UFSP2: variants seen among roughly 807,000 people sequenced by gnomAD.
UFSP2 encodes UFM1 specific peptidase 2, also known as ufm1-specific protease 2.
UFSP2 carries 43 observed loss-of-function variants against 60.2 expected under a neutral mutation model. The observed-to-expected ratio is 0.71, with a 90% CI of 0.56 to 0.92. UFSP2 has a LOEUF of 0.92. Among genes scored for constraint, UFSP2 ranks in the 40% least tolerant of loss-of-function variants. The pLI, the probability that UFSP2 is intolerant of heterozygous loss-of-function variation, is 0.00. For missense variants in UFSP2, 520 were observed against 575.0 expected, an observed-to-expected ratio of 0.90 and a Z score of 0.98; for synonymous variants, 183 against 195.1, an observed-to-expected ratio of 0.94 and a Z score of 0.52.
rs758888408 is a variant in UFSP2 at position 185,403,627 on chromosome 4, G to C, written c.1199-9C>G. Reference sequence around the variant, plus strand: ...GGCCAAAACTCCTCCCCCTATAGAAGAAAAAATAGGAAATACGAATGAAGG... The same window carrying C: ...GGCCAAAACTCCTCCCCCTATAGAACAAAAAATAGGAAATACGAATGAAGG... On this transcript the variant is annotated splice_polypyrimidine_tract_variant and intron_variant, in intron 10 of 11. Transcript: ENST00000264689. 1 of 1,593,068 alleles carries C rather than the reference G, an allele frequency of 6.3e-7. No homozygotes were observed. The highest frequency in any genetic ancestry group is 1.4e-5 in the African/African-American group (1 of 73,242).
rs576648557 is a variant in UFSP2 at position 185,425,644 on chromosome 4, G to A, written c.3+222C>T. ...CACAGAGAAGTAGCAGGGGGTGCGT[G>A]TCCAAGGTGGCCGAGGCGGGGTGCA... On this transcript the variant is annotated intron_variant, in intron 1 of 11. Coordinates refer to ENST00000264689, the MANE Select transcript of UFSP2 (RefSeq NM_018359.5). Among the ~76,000 whole-genome samples the A allele has an allele frequency of 2.0e-5, 3 of 152,370 alleles. No homozygotes were observed. In the South Asian group the frequency reaches 6.2e-4, roughly 32 times the overall value.
chr4:185,411,714 C>G (rs1445623694), intron 7 of UFSP2, among the ~76,000 whole-genome samples: 1 of 152,102 alleles, frequency 6.6e-6, no homozygotes, highest in Admixed American at 6.6e-5. Context: ...ATGTTAACAA[C>G]TGTTGCACAT....
rs749635731 is a variant in UFSP2, at chr4:185,425,917, CG to C, written c.-50del. On this transcript the variant is annotated 5_prime_UTR_variant, in exon 1 of 12. Coordinates refer to ENST00000264689, the MANE Select transcript of UFSP2 (RefSeq NM_018359.5). ...GGCGCTGACGCCTGCCCAAAAGTTC[CG>C]GGGGCCGGCCCTGAAGTGGTGTCAC... 6 of 1,575,444 alleles carry C rather than the reference CG, an allele frequency of 3.8e-6. 1 individual carries two copies. In the South Asian group the frequency reaches 4.6e-5, roughly 12 times the overall value.
chr4:185,399,864 T>C lies in UFSP2; in HGVS notation c.*528A>G. Reference sequence around the variant, plus strand: ...ATTCCATTTAATACTGACACTCGTATTTCTAGTAGTATTGTTTCATTCTCA... The same window carrying C: ...ATTCCATTTAATACTGACACTCGTACTTCTAGTAGTATTGTTTCATTCTCA... On this transcript the variant is annotated 3_prime_UTR_variant, in exon 12 of 12. Coordinates refer to ENST00000264689, the MANE Select transcript of UFSP2 (RefSeq NM_018359.5). 6.4e-7 allele frequency: 1 copy of C among 1,563,288 alleles called. No individual in the cohort carries two copies. Among genetic ancestry groups the C allele is most frequent in the South Asian group, 1.2e-5 (1 of 84,006 alleles).
At chr4:185,425,041 T>C (rs762156785) in intron 1 of UFSP2, among the ~76,000 whole-genome samples, 28 of 152,208 alleles carry the variant, frequency 1.8e-4, no homozygotes, top group African/African-American at 4.8e-5. Context: ...CTTAGGTGAC[T>C]ACCCCAGATG....
Position 185,423,379 on chromosome 4 carries a change from G to A in UFSP2, c.4-816C>T, listed in dbSNP as rs144034316. Reference sequence around the variant, plus strand: ...AAGACAATGAGAGGAAACTCATACTGAGGGTGGGATATCAACTGGTGGAAT... The same window carrying A: ...AAGACAATGAGAGGAAACTCATACTAAGGGTGGGATATCAACTGGTGGAAT... On this transcript the variant is annotated intron_variant, in intron 1 of 11. Coordinates refer to ENST00000264689, the MANE Select transcript of UFSP2 (RefSeq NM_018359.5). Among the ~76,000 whole-genome samples the A allele has an allele frequency of 3.3e-3, 497 of 152,318 alleles. 5 individuals are homozygous for A. Among genetic ancestry groups the A allele is most frequent in the African/African-American group, 0.011 (469 of 41,566 alleles).
chr4:185,418,242 T>G (rs904367407), intron 4 of UFSP2, among the ~76,000 whole-genome samples, 199 bp downstream of exon 4: 3 of 152,176 alleles, frequency 2.0e-5, no homozygotes, highest in African/African-American at 7.2e-5. Context: ...AAAAAACCCT[T>G]TTGAGATTAT....
chr4:185,408,346 C>T lies in UFSP2; in HGVS notation c.921G>A (p.Leu307=). 1.2e-6 allele frequency: 2 copies of T among 1,614,106 alleles called. No homozygotes were observed. Among genetic ancestry groups the T allele is most frequent in the Middle Eastern group, 1.6e-4 (1 of 6,062 alleles). The change falls in exon 8 of 12, where the codon CTG becomes CTA. Residue 307 remains leucine (L), a synonymous_variant. Coordinates refer to ENST00000264689, the MANE Select transcript of UFSP2 (RefSeq NM_018359.5). Reference sequence around the variant, plus strand: ...GTTTGAACCAAGAGCAGATAGTCTGCAGAGATCGATAAGCACAGCCCCAGC... The same window carrying T: ...GTTTGAACCAAGAGCAGATAGTCTGTAGAGATCGATAAGCACAGCCCCAGC... The part of the protein sequence containing the change: ...DNGWGCAYRS[L]QTICSWFKHQ...
chr4:185,415,029 T>C (rs2095535879), intron 6 of UFSP2, 126 bp downstream of exon 6: 4 of 743,900 alleles, frequency 5.4e-6, no homozygotes, highest in East Asian at 3.2e-5. Context: ...GTAAAATGAA[T>C]AGTCTAAATT....
At chr4:185,423,946 C>T (rs997036075) in intron 1 of UFSP2, among the ~76,000 whole-genome samples, 52 of 152,102 alleles carry the variant, frequency 3.4e-4, no homozygotes, top group African/African-American at 8.9e-4. Flanking sequence ...AACCATAGTA[C>T]ACACTAAGAC....
intron 10 of UFSP2, among the ~76,000 whole-genome samples, chr4:185,403,977 ACAAAAAAAAAC>A (rs1288066673): frequency 7.0e-6 from 1 of 143,186 alleles, no homozygotes; most frequent in African/African-American, 2.7e-5. Context: ...AAAAAAAAAA[ACAAAAAAAAAC>A]AACATTACTT....
At chr4:185,421,933 C>T (rs1397123889) in intron 2 of UFSP2, among the ~76,000 whole-genome samples, 1 of 152,206 alleles carries the variant, frequency 6.6e-6, no homozygotes, top group African/African-American at 2.4e-5. Context: ...ACTTGACCTT[C>T]CACTGGCATC....
At chr4:185,416,471 T>A (rs970594246) in intron 4 of UFSP2, among the ~76,000 whole-genome samples, 2 of 152,218 alleles carry the variant, frequency 1.3e-5, no homozygotes, top group Non-Finnish European at 2.9e-5. Context: ...ATTGTGAAAT[T>A]TACACTAAAC....
In UFSP2 at chr4:185,425,960, G is replaced by C; in HGVS notation, c.-92C>G. 1 of 1,484,932 alleles carries C rather than the reference G, an allele frequency of 6.7e-7. No individual in the cohort carries two copies. Among genetic ancestry groups the C allele is most frequent in the South Asian group, 1.2e-5 (1 of 82,682 alleles). 92.0% of individuals were successfully genotyped at this position (1,484,932 alleles called of 1,614,324 possible). A position where few individuals can be genotyped will look rare whatever the true frequency, so the allele number is the denominator to read the frequency against. On this transcript the variant is annotated 5_prime_UTR_variant, in exon 1 of 12. Coordinates refer to ENST00000264689, the MANE Select transcript of UFSP2 (RefSeq NM_018359.5). ...TGGTGTCACCGCACGGCCCAGGGGC[G>C]GGGCCCGGGCGGACCAACTACAACT...
chr4:185,425,459 A>G (rs2095557826), intron 1 of UFSP2, among the ~76,000 whole-genome samples: 1 of 152,166 alleles, frequency 6.6e-6, no homozygotes, highest in African/African-American at 2.4e-5. Context: ...TAGGATAGGG[A>G]TTGGAGAACC....
chr4:185,418,047 AACACACAC>A (rs56260529), intron 4 of UFSP2, among the ~76,000 whole-genome samples: 2 of 143,062 alleles, frequency 1.4e-5, no homozygotes, highest in Admixed American at 6.9e-5. Context: ...TCCATCTCAA[AACACACAC>A]ACACACACAC....
In UFSP2 at chr4:185,415,745, T is replaced by C. The variant is rs534313149; in HGVS notation, c.456A>G (p.Ala152=). 3.3e-5 allele frequency: 53 copies of C among 1,613,266 alleles called. No individual in the cohort carries two copies. The Admixed American group carries it at 3.8e-4, about 12-fold the overall frequency. ...TTTCTTCTGGAGCAACAGATATAAC[T>C]GCATCGACAGGTAAAGTCATATTAA... is the stretch of plus-strand genomic sequence containing the variant. ...HYVNMTLPVD[A]VISVAPEETW... The change falls in exon 5 of 12, where the codon GCA becomes GCG. Residue 152 remains alanine (A), a synonymous_variant. Transcript: ENST00000264689.
At chr4:185,418,106 C>A (rs181739414) in intron 4 of UFSP2, among the ~76,000 whole-genome samples, 1 of 143,846 alleles carries the variant, frequency 7.0e-6, no homozygotes, top group Non-Finnish European at 1.5e-5. Context: ...AAAAATAAAT[C>A]ATTTACTATT....
At chr4:185,415,398 TAAAGA>T (rs2095536781) in intron 5 of UFSP2, 51 bp from the exon 6 acceptor site, 4 of 1,425,984 alleles carry the variant, frequency 2.8e-6, no homozygotes, top group Admixed American at 2.6e-5. Flanking sequence ...GTGACTACAA[TAAAGA>T]AAAGTACAGA....
Sources: allele counts gnomAD v4.1 joint callset (sites outside exome capture counted in the v4.1 genomes callset), GRCh38; gene constraint gnomAD v4.1.1; transcripts MANE v1.5; gene names NCBI Gene and HGNC (gene_info 2026-07-23, HGNC 2026-07-21).